The following GRIP2 variants were observed in gnomAD, a reference collection of about 807,000 sequenced individuals.
GRIP2 encodes glutamate receptor-interacting protein 2.
A neutral mutation model predicts 108.3 loss-of-function variants in GRIP2; 58 were observed. That is an observed-to-expected ratio of 0.54 (90% CI 0.43 to 0.67). GRIP2 has a LOEUF of 0.67. Among genes scored for constraint, GRIP2 ranks in the 30% least tolerant of loss-of-function variants. The pLI is 0.00. For synonymous variants in GRIP2, 586 were observed against 598.2 expected (o/e 0.98, Z 0.30); for missense variants, 1,278 against 1,430.6 (o/e 0.89, Z 1.72).
At chr3:14,589,906 T>C in the GRIP2 span, among the ~76,000 whole-genome samples, 2 of 150,182 alleles carry the variant, frequency 1.3e-5, no homozygotes, top group Non-Finnish European at 1.5e-5. Flanking sequence ...AATCCTCCCA[T>C]CTCAGCCTCC....
the GRIP2 span, among the ~76,000 whole-genome samples, chr3:14,593,597 C>A: frequency 6.6e-6 from 1 of 152,190 alleles, no homozygotes; most frequent in Non-Finnish European, 1.5e-5. Context: ...ACCAACGATG[C>A]CACCCCATGG....
intron 17 of GRIP2, among the ~76,000 whole-genome samples, chr3:14,508,694 G>A (rs994092967): frequency 6.6e-6 from 1 of 152,102 alleles, no homozygotes; most frequent in Admixed American, 6.5e-5. Context: ...AAATGTGACT[G>A]CCCAAATTGA....
intron 7 of GRIP2, 30 bp from the exon 8 acceptor site, chr3:14,520,567 T>C (rs1316467431): frequency 6.2e-7 from 1 of 1,612,500 alleles, no homozygotes; most frequent in Non-Finnish European, 8.5e-7. Flanking sequence ...AAGTTTGAAA[T>C]GCAAATACCG....
chr3:14,579,687 C>CCTGCTCTGCCACCTG, the GRIP2 span, among the ~76,000 whole-genome samples: 1 of 151,860 alleles, frequency 6.6e-6, no homozygotes, highest in Non-Finnish European at 1.5e-5. Flanking sequence ...GCCTTCACAA[C>CCTGCTCTGCCACCTG]CCTGGGGAAA....
At chr3:14,576,337 G>A in the GRIP2 span, among the ~76,000 whole-genome samples, 1 of 152,246 alleles carries the variant, frequency 6.6e-6, no homozygotes, top group South Asian at 2.1e-4. Flanking sequence ...TTCTACAGAT[G>A]GAGAACTGGG....
the GRIP2 span, among the ~76,000 whole-genome samples, chr3:14,601,108 CA>C: frequency 6.6e-5 from 10 of 152,016 alleles, 1 homozygote; most frequent in African/African-American, 2.4e-4. Context: ...ACACACGAGG[CA>C]GGGGGTGTCA....
At position 14,522,890 on chromosome 3, in the gene GRIP2, G is replaced by T; in HGVS notation, c.566+110C>A. ...ACCGGGCAGGGAGTGTTCCCTCAGG[G>T]CCTCGATCTCTTCATCTGGGGAAGG... On this transcript the variant is annotated intron_variant, in intron 6 of 23. Coordinates refer to ENST00000621039, the MANE Select transcript of GRIP2 (RefSeq NM_001080423.4). The surrounding 1 kb of genome is among the most constrained non-coding windows in gnomAD (Gnocchi z 4.3). 1 of 886,026 alleles carries T rather than the reference G, an allele frequency of 1.1e-6. No individual in the cohort carries two copies. Among genetic ancestry groups the T allele is most frequent in the Admixed American group, 1.8e-5 (1 of 54,934 alleles). The allele number at this position is 886,026 out of a possible 1,614,324, so 54.9% of individuals were successfully genotyped here.
intron 21 of GRIP2, among the ~76,000 whole-genome samples, chr3:14,501,377 C>T (rs1444951800): frequency 6.6e-6 from 1 of 152,084 alleles, no homozygotes; most frequent in Non-Finnish European, 1.5e-5. Context: ...TCTTGATAAA[C>T]AGGAAGTTTA....
chr3:14,533,052 C>A (rs191816725), intron 1 of GRIP2, among the ~76,000 whole-genome samples: 17 of 152,372 alleles, frequency 1.1e-4, no homozygotes, highest in Admixed American at 1.1e-3. Context: ...ATTTCCAGGT[C>A]CCCTGGGGTT....
chr3:14,600,932 C>CA, the GRIP2 span, among the ~76,000 whole-genome samples: 3 of 152,094 alleles, frequency 2.0e-5, no homozygotes, highest in South Asian at 2.1e-4. Context: ...TCAGTGTGGG[C>CA]AAAGCCATTG....
chr3:14,502,090 T>C (rs1427641369), intron 21 of GRIP2, among the ~76,000 whole-genome samples: 2 of 152,218 alleles, frequency 1.3e-5, no homozygotes, highest in African/African-American at 2.4e-5. Flanking sequence ...ATTATATTAG[T>C]AGTCACAACA....
At position 14,515,310 on chromosome 3, in the gene GRIP2, GT is replaced by G. The variant is rs1351808493; in HGVS notation, c.1307-833del. ...TGCTACTATGAACATTTGTGTATAAGTTTTTAGGTGGAGATGACACATGTTT... is the reference window on the plus strand; with the variant it reads ...TGCTACTATGAACATTTGTGTATAAGTTTTAGGTGGAGATGACACATGTTT... On this transcript the variant is annotated intron_variant, in intron 11 of 23. Coordinates refer to ENST00000621039, the MANE Select transcript of GRIP2 (RefSeq NM_001080423.4). Among the ~76,000 whole-genome samples, 5 of 152,172 alleles carry G rather than the reference GT, an allele frequency of 3.3e-5. 1 individual carries two copies. Among genetic ancestry groups the G allele is most frequent in the Admixed American group, 2.6e-4 (4 of 15,278 alleles).
intron 17 of GRIP2, among the ~76,000 whole-genome samples, chr3:14,509,555 G>A (rs1694025201): frequency 6.6e-6 from 1 of 152,268 alleles, no homozygotes. Flanking sequence ...GGTAGGAGCA[G>A]GAAGATGCAC....
rs751507950 is a variant in GRIP2, at chr3:14,521,607, C to G, written c.712+35G>C. ...ACCTCCCCCCATCCCAGGCCTCCTC[C>G]TGCCCCAACCCACACACTCAGGCCC... On this transcript the variant is annotated intron_variant, in intron 7 of 23. Transcript: ENST00000621039. The surrounding 1 kb of genome is among the most constrained non-coding windows in gnomAD (Gnocchi z 5.1). 1.1e-5 allele frequency: 18 copies of G among 1,570,848 alleles called. No homozygotes were observed. The Admixed American group carries it at 3.2e-4, about 28-fold the overall frequency.
At chr3:14,570,100 G>A in the GRIP2 span, among the ~76,000 whole-genome samples, 1 of 152,320 alleles carries the variant, frequency 6.6e-6, no homozygotes, top group East Asian at 1.9e-4. Context: ...GGGGTTTGTA[G>A]CAATGGGGTG....
rs372925368 is a variant in GRIP2, at chr3:14,493,682, T to A, written c.3115A>T (p.Ser1039Cys). The stretch of plus-strand genomic sequence containing the variant: ...TGCTGACTTCAGAGCATCCGGGGAC[T>A]GCTGGGGCCTGGCGATCGGGGGGCC... ...SRAPRSPGPS[S>C]PRML Residue 1039 changes from serine to cysteine, a missense_variant, in exon 24 of 24, where the codon AGT becomes TGT. Transcript: ENST00000621039. 2 of 1,604,886 alleles carry A rather than the reference T, an allele frequency of 1.2e-6. No homozygotes were observed. Among genetic ancestry groups the A allele is most frequent in the Non-Finnish European group, 1.7e-6 (2 of 1,176,124 alleles).
chr3:14,546,931 G>A (rs1227024295), upstream of GRIP2, among the ~76,000 whole-genome samples: 1 of 152,168 alleles, frequency 6.6e-6, no homozygotes. Context: ...CTGGCCACCT[G>A]TGTCCCAGTA....
At chr3:14,495,020 A>G in intron 22 of GRIP2, 31 bp from the exon 23 acceptor site, 1 of 1,610,254 alleles carries the variant, frequency 6.2e-7, no homozygotes, top group Non-Finnish European at 8.5e-7. Context: ...AGGTTCCTGG[A>G]ACTCTGACCT....
chr3:14,592,920 C>T, the GRIP2 span, among the ~76,000 whole-genome samples: 1 of 152,108 alleles, frequency 6.6e-6, no homozygotes, highest in African/African-American at 2.4e-5. Flanking sequence ...AGCCACAATG[C>T]TACCACCATC....
Sources: gnomAD v4.1 joint callset for allele counts (sites outside exome capture counted in the v4.1 genomes callset) on GRCh38, gnomAD v4.1.1 for gene constraint, Gnocchi (gnomAD v3.1) non-coding constraint, MANE v1.5 for transcripts, NCBI Gene and HGNC (gene_info 2026-07-23, HGNC 2026-07-21) for gene names.